LRP2: variants seen among roughly 807,000 people sequenced by gnomAD.
LRP2 encodes LDL receptor related protein 2.
Under a neutral mutation model 531.0 loss-of-function variants are expected in LRP2, and 172 were observed. The ratio of observed to expected loss-of-function variants is 0.32; its 90% CI spans 0.29 to 0.37. LRP2 has a LOEUF of 0.37. Ranked by LOEUF, LRP2 falls within the 10% of genes least tolerant of loss-of-function variation. The pLI, the probability that LRP2 is intolerant of heterozygous loss-of-function variation, is 1.00. For synonymous variants in LRP2, 1,992 were observed against 2,027.6 expected (o/e 0.98, Z 0.47); for missense variants, 5,167 against 5,868.3 (o/e 0.88, Z 3.90).
At chr2:169,170,775 C>A in intron 58 of LRP2, 108 bp from the exon 59 acceptor site, 1 of 807,930 alleles carries the variant, frequency 1.2e-6, no homozygotes, top group Non-Finnish European at 2.2e-6. Context: ...TCCTGTGTCC[C>A]AAGCCCCAGA....
intron 1 of LRP2, among the ~76,000 whole-genome samples, chr2:169,331,041 C>T (rs892107425): frequency 6.6e-6 from 1 of 152,160 alleles, no homozygotes; most frequent in African/African-American, 2.4e-5. Flanking sequence ...TCCAGGAAGG[C>T]CTGTTTCACC....
intron 34 of LRP2, among the ~76,000 whole-genome samples, chr2:169,219,648 G>C (rs1485517211): frequency 2.0e-5 from 3 of 152,050 alleles, no homozygotes; most frequent in Non-Finnish European, 4.4e-5. Flanking sequence ...AGCACACATG[G>C]ACATACACAT....
intron 71 of LRP2, 138 bp downstream of exon 71, chr2:169,142,536 C>T (rs1482902042): frequency 8.4e-7 from 1 of 1,187,298 alleles, no homozygotes; most frequent in Non-Finnish European, 1.2e-6. Flanking sequence ...TCTGTTCATA[C>T]CTCCCACATC....
At chr2:169,216,525 C>T (rs1688801887) in intron 34 of LRP2, 95 bp from the exon 35 acceptor site, 5 of 1,218,832 alleles carry the variant, frequency 4.1e-6, no homozygotes, top group African/African-American at 3.0e-5. Context: ...CCTCAAGATG[C>T]TCACAATACA....
At chr2:169,259,285 T>C (rs1690440222) in intron 16 of LRP2, 68 bp from the exon 17 acceptor site, 4 of 1,122,250 alleles carry the variant, frequency 3.6e-6, no homozygotes, top group Admixed American at 3.5e-5. Flanking sequence ...TTCCTACTAA[T>C]GCACACTGAA....
At position 169,318,826 on chromosome 2, in the gene LRP2, G is replaced by T; in HGVS notation, c.246C>A (p.Pro82=). 1 of 1,614,108 alleles carries T rather than the reference G, an allele frequency of 6.2e-7. No homozygotes were observed. Among genetic ancestry groups the T allele is most frequent in the Non-Finnish European group, 8.5e-7 (1 of 1,179,976 alleles). ...FKCQSEGQCI[P]NSWVCDQDQD... is the part of the protein sequence containing the mutation. ...GATCTTGGTCACACACCCAGGAGTT[G>T]GGGATGCATTGTCCCTCACTCTGGC... Residue 82 remains proline (P), a synonymous_variant, in exon 3 of 79, where the codon CCC becomes CCA. Transcript: ENST00000649046.
At chr2:169,312,309 A>T (rs1220626926) in intron 3 of LRP2, among the ~76,000 whole-genome samples, 1 of 151,998 alleles carries the variant, frequency 6.6e-6, no homozygotes, top group East Asian at 1.9e-4. Context: ...GATGGTCTTT[A>T]GAATTTGGCA....
At chr2:169,275,376 A>C (rs1336936052) in intron 13 of LRP2, 138 bp from the exon 14 acceptor site, 1 of 708,822 alleles carries the variant, frequency 1.4e-6, no homozygotes. Flanking sequence ...GAAAAGATAC[A>C]TTTTAGATGT....
At chr2:169,231,882 C>A (rs1277995614) in intron 30 of LRP2, 40 bp from the exon 31 acceptor site, 2 of 1,609,190 alleles carry the variant, frequency 1.2e-6, no homozygotes, top group Non-Finnish European at 1.7e-6. Context: ...AAGTGGAAAA[C>A]CTCCACATTA....
intron 30 of LRP2, among the ~76,000 whole-genome samples, chr2:169,232,678 C>T (rs72876264): frequency 0.024 from 3,639 of 152,150 alleles, 57 homozygotes; most frequent in Admixed American, 0.041. Flanking sequence ...AAATAGCACG[C>T]GAAGCAACTC....
At chr2:169,290,729 A>C (rs1683977281) in intron 8 of LRP2, 116 bp downstream of exon 8, 4 of 1,103,380 alleles carry the variant, frequency 3.6e-6, no homozygotes, top group Non-Finnish European at 5.4e-6. Flanking sequence ...TTATGCCACT[A>C]AGTCTTGGGG....
At position 169,231,978 on chromosome 2, in the gene LRP2, C is replaced by A. The variant is rs1320903959; in HGVS notation, c.5099-136G>T. 5.5e-6 allele frequency: 6 copies of A among 1,083,910 alleles called. 1 individual carries two copies. In the African/African-American group the frequency reaches 6.4e-5, roughly 12 times the overall value. The allele number at this position is 1,083,910 out of a possible 1,614,324, so 67.1% of individuals were successfully genotyped here. ...AGTACGTTGTTACCTCTGTTGTTTT[C>A]TTTTGTTTTGTTTTCACTGAACTAC... On this transcript the variant is annotated intron_variant, in intron 30 of 78. Coordinates refer to ENST00000649046, the MANE Select transcript of LRP2 (RefSeq NM_004525.3).
rs1341745528 is a variant in LRP2 at position 169,175,339 on chromosome 2, C to T, written c.10622G>A (p.Gly3541Asp). The change falls in exon 55 of 79, where the codon GGC becomes GAC. Residue 3541 changes from glycine to aspartate, a missense_variant. Transcript: ENST00000649046. Reference sequence around the variant, plus strand: ...CGGGCAAAGGGCCAGTTCATCAGAGCCATCTGAGCAGTCTTTCTGTCCATC... The same window carrying T: ...CGGGCAAAGGGCCAGTTCATCAGAGTCATCTGAGCAGTCTTTCTGTCCATC... ...KCDGQKDCSD[G>D]SDELALCPQR... is the part of the protein sequence containing the mutation. 6.2e-7 allele frequency: 1 copy of T among 1,614,062 alleles called. No individual in the cohort carries two copies. The highest frequency in any genetic ancestry group is 8.5e-7 in the Non-Finnish European group (1 of 1,180,044).
intron 63 of LRP2, among the ~76,000 whole-genome samples, chr2:169,158,987 G>A (rs1686467650): frequency 6.6e-6 from 1 of 152,094 alleles, no homozygotes; most frequent in African/African-American, 2.4e-5. Context: ...ATTGCCCCAA[G>A]ATCTTGTCTC....
At chr2:169,247,289 G>T in intron 20 of LRP2, 89 bp downstream of exon 20, 1 of 1,379,550 alleles carries the variant, frequency 7.2e-7, no homozygotes, top group South Asian at 1.3e-5. Flanking sequence ...AGACCTTTAA[G>T]TAATAAGTAC....
chr2:169,326,206 C>CTCCCCTCTCCCCTG (rs1685052959), intron 1 of LRP2, among the ~76,000 whole-genome samples: 1 of 105,348 alleles, frequency 9.5e-6, no homozygotes, highest in African/African-American at 3.9e-5. Flanking sequence ...CCTCTCCCCT[C>CTCCCCTCTCCCCTG]TCCCCTCTCC....
rs376271802 is a variant in LRP2 at position 169,187,210 on chromosome 2, C to T, written c.9328+760G>A. Among the ~76,000 whole-genome samples the T allele has an allele frequency of 2.3e-4, 35 of 152,046 alleles. No individual in the cohort carries two copies. In the South Asian group the frequency reaches 7.1e-3, roughly 31 times the overall value. ...CATAGATAATCTCTTCTCCACATTT[C>T]CACAGCAGTTTCTGTCTAGCATTTA... On this transcript the variant is annotated intron_variant, in intron 49 of 78. Coordinates refer to ENST00000649046, the MANE Select transcript of LRP2 (RefSeq NM_004525.3).
chr2:169,302,162 A>C (rs1202970803), intron 4 of LRP2, among the ~76,000 whole-genome samples: 1 of 141,670 alleles, frequency 7.1e-6, no homozygotes, highest in African/African-American at 2.7e-5. Context: ...ATTTCTGGCT[A>C]AGCCTCATTT....
intron 35 of LRP2, among the ~76,000 whole-genome samples, chr2:169,215,323 A>G (rs996720377): frequency 6.6e-6 from 1 of 152,194 alleles, no homozygotes; most frequent in African/African-American, 2.4e-5. Flanking sequence ...TATTCAGTTC[A>G]GCACCCAAAG....
Sources: gnomAD v4.1 joint callset for allele counts (sites outside exome capture counted in the v4.1 genomes callset) on GRCh38, gnomAD v4.1.1 for gene constraint, MANE v1.5 for transcripts, NCBI Gene and HGNC (gene_info 2026-07-23, HGNC 2026-07-21) for gene names.